FTCDNL1: variants seen among roughly 807,000 people sequenced by gnomAD.
The protein encoded by FTCDNL1 is formiminotransferase cyclodeaminase N-terminal like.
In FTCDNL1, 11 loss-of-function variants were observed where a neutral mutation model predicts 5.9. That is an observed-to-expected ratio of 1.87 (90% CI 1.18 to 3.10). FTCDNL1 has a LOEUF of 3.10. FTCDNL1 is among the 30% of genes most tolerant of loss of function. FTCDNL1 has a pLI of 0.00. For synonymous variants in FTCDNL1, 58 were observed against 24.8 expected (o/e 2.34, Z -3.99); for missense variants, 115 against 65.5 (o/e 1.76, Z -2.61).
the FTCDNL1 span, among the ~76,000 whole-genome samples, chr2:199,683,824 G>A: frequency 3.3e-5 from 5 of 152,118 alleles, no homozygotes; most frequent in Admixed American, 2.6e-4. Flanking sequence ...CTGTCCTAAA[G>A]CTCACCTTGT....
chr2:199,678,298 C>T, the FTCDNL1 span, among the ~76,000 whole-genome samples: 2 of 151,902 alleles, frequency 1.3e-5, no homozygotes, highest in Admixed American at 6.6e-5. Flanking sequence ...AAGTCCATTC[C>T]AAATGGGCTT....
At chr2:199,825,546 T>A (rs1701978893) in intron 3 of FTCDNL1, among the ~76,000 whole-genome samples, 1 of 152,220 alleles carries the variant, frequency 6.6e-6, no homozygotes, top group Admixed American at 6.5e-5. Context: ...TAGTAGCAGA[T>A]CCTTCATGAG....
chr2:199,700,274 A>C, the FTCDNL1 span, among the ~76,000 whole-genome samples: 1 of 152,220 alleles, frequency 6.6e-6, no homozygotes, highest in Non-Finnish European at 1.5e-5. Context: ...ATTGAGAGCT[A>C]AATCAAGAAT....
At chr2:199,756,955 G>T (rs1698093894), downstream of FTCDNL1, among the ~76,000 whole-genome samples, 1 of 152,124 alleles carries the variant, frequency 6.6e-6, no homozygotes, top group African/African-American at 2.4e-5. Flanking sequence ...CATCACTTCT[G>T]CCCACATTAT....
the FTCDNL1 span, among the ~76,000 whole-genome samples, chr2:199,711,391 G>T: frequency 6.6e-6 from 1 of 151,896 alleles, no homozygotes; most frequent in South Asian, 2.1e-4. Context: ...ATTGAAAAAT[G>T]AAATGAATTC....
chr2:199,783,321 A>T (rs556230881), intron 3 of FTCDNL1, among the ~76,000 whole-genome samples: 1 of 152,118 alleles, frequency 6.6e-6, no homozygotes. Context: ...TACATCTCTG[A>T]GTCTTTTTTG....
the FTCDNL1 span, among the ~76,000 whole-genome samples, chr2:199,749,254 G>A: frequency 6.6e-6 from 1 of 152,160 alleles, no homozygotes; most frequent in African/African-American, 2.4e-5. Context: ...TTCCTGAGGG[G>A]GTAGACAGCA....
At chr2:199,684,194 C>T in the FTCDNL1 span, among the ~76,000 whole-genome samples, 3 of 152,208 alleles carry the variant, frequency 2.0e-5, no homozygotes, top group African/African-American at 7.2e-5. Flanking sequence ...CACACTATAG[C>T]AGCAATTACT....
the FTCDNL1 span, among the ~76,000 whole-genome samples, chr2:199,739,582 G>A: frequency 1.3e-5 from 2 of 152,140 alleles, no homozygotes; most frequent in African/African-American, 4.8e-5. Flanking sequence ...CTAATTGGGA[G>A]AAAGTTGTTT....
chr2:199,690,860 A>G, the FTCDNL1 span, among the ~76,000 whole-genome samples: 1 of 152,216 alleles, frequency 6.6e-6, no homozygotes, highest in Non-Finnish European at 1.5e-5. Context: ...CTTCAGGTTC[A>G]TAGACCACTT....
At chr2:199,807,548 A>C (rs1700793526), downstream of FTCDNL1, among the ~76,000 whole-genome samples, 1 of 152,066 alleles carries the variant, frequency 6.6e-6, no homozygotes, top group Non-Finnish European at 1.5e-5. Flanking sequence ...GAGGTAGGAG[A>C]GTCCCTTGAA....
At chr2:199,664,799 T>C in the FTCDNL1 span, among the ~76,000 whole-genome samples, 2 of 152,230 alleles carry the variant, frequency 1.3e-5, no homozygotes, top group African/African-American at 4.8e-5. Context: ...TATGATTTTA[T>C]TCTATAACAT....
At chr2:199,674,260 C>T in the FTCDNL1 span, among the ~76,000 whole-genome samples, 1 of 152,028 alleles carries the variant, frequency 6.6e-6, no homozygotes, top group Admixed American at 6.6e-5. Flanking sequence ...AGAATCAAGA[C>T]AGTACAATGC....
At chr2:199,778,215 A>C (rs1322672678) in intron 3 of FTCDNL1, among the ~76,000 whole-genome samples, 1 of 152,162 alleles carries the variant, frequency 6.6e-6, no homozygotes, top group African/African-American at 2.4e-5. Flanking sequence ...AGGTCTGGAG[A>C]GGAACTAGGC....
the FTCDNL1 span, among the ~76,000 whole-genome samples, chr2:199,676,892 C>T: frequency 6.6e-6 from 1 of 152,102 alleles, no homozygotes; most frequent in African/African-American, 2.4e-5. Context: ...CAAAATTAAG[C>T]GTCTCGACAA....
At chr2:199,835,866 C>A (rs1702696817) in intron 3 of FTCDNL1, among the ~76,000 whole-genome samples, 1 of 152,130 alleles carries the variant, frequency 6.6e-6, no homozygotes, top group Non-Finnish European at 1.5e-5. Flanking sequence ...AAACCTAAAA[C>A]CCCTCAACTT....
chr2:199,783,762 A>C (rs570444243), intron 3 of FTCDNL1, among the ~76,000 whole-genome samples: 4 of 152,094 alleles, frequency 2.6e-5, no homozygotes, highest in Non-Finnish European at 2.9e-5. Flanking sequence ...TTCTCTAGAC[A>C]CATTACATTG....
chr2:199,787,313 G>A (rs1699706511), intron 3 of FTCDNL1, among the ~76,000 whole-genome samples: 1 of 152,038 alleles, frequency 6.6e-6, no homozygotes, highest in Non-Finnish European at 1.5e-5. Flanking sequence ...TTCCTGAGTA[G>A]CTGGGATAAC....
chr2:199,821,064 G>A (rs1701651465), intron 3 of FTCDNL1, among the ~76,000 whole-genome samples: 2 of 152,166 alleles, frequency 1.3e-5, no homozygotes, highest in Non-Finnish European at 2.9e-5. Flanking sequence ...GTTAATGGAG[G>A]AAATGAAATG....
Sources: gnomAD v4.1 joint callset for allele counts (sites outside exome capture counted in the v4.1 genomes callset) on GRCh38, gnomAD v4.1.1 for gene constraint, MANE v1.5 for transcripts, NCBI Gene and HGNC (gene_info 2026-07-23, HGNC 2026-07-21) for gene names.